DHRS3: variants seen among roughly 807,000 people sequenced by gnomAD.
The protein encoded by DHRS3 is dehydrogenase/reductase 3.
DHRS3 carries 14 observed loss-of-function variants against 27.2 expected under a neutral mutation model. The observed-to-expected ratio is 0.52, with a 90% CI of 0.34 to 0.81. The LOEUF is 0.81. Ranked by LOEUF, DHRS3 falls within the 30% of genes least tolerant of loss-of-function variation. The pLI, the probability that DHRS3 is intolerant of heterozygous loss-of-function variation, is 0.01. For synonymous variants in DHRS3, 165 were observed against 175.9 expected (o/e 0.94, Z 0.49); for missense variants, 322 against 406.2 (o/e 0.79, Z 1.78).
chr1:12,615,325 T>A (rs1646937733), intron 1 of DHRS3, among the ~76,000 whole-genome samples: 1 of 152,206 alleles, frequency 6.6e-6, no homozygotes, highest in Middle Eastern at 3.2e-3. Context: ...CCATGGATCC[T>A]GTTTTTGTTT....
Position 12,593,205 on chromosome 1 carries a change from G to C in DHRS3, c.196-12539C>G, listed in dbSNP as rs1414811021. ...TTTACTGGGATCGCAGGCCCTTCCT[G>C]GTCTGCCCCATCCCTCGTCTCAGCT... is the stretch of plus-strand genomic sequence containing the variant. On this transcript the variant is annotated intron_variant, in intron 1 of 5. Transcript: ENST00000616661. This position sits in a 1 kb window ranked among gnomAD's most constrained non-coding sequence, Gnocchi z 4.6. Among the ~76,000 whole-genome samples the C allele has an allele frequency of 6.6e-6, 1 of 152,046 alleles. No homozygotes were observed. The highest frequency in any genetic ancestry group is 2.4e-5 in the African/African-American group (1 of 41,406).
intron 5 of DHRS3, among the ~76,000 whole-genome samples, chr1:12,568,995 G>A (rs1490949517): frequency 2.0e-5 from 3 of 152,120 alleles, no homozygotes; most frequent in Non-Finnish European, 4.4e-5. Context: ...GGCCAAGGTG[G>A]GTGGATCACC....
chr1:12,568,651 C>G (rs548220575), intron 5 of DHRS3, among the ~76,000 whole-genome samples: 2 of 152,116 alleles, frequency 1.3e-5, no homozygotes, highest in African/African-American at 4.8e-5. Context: ...GGAGGCTGGG[C>G]GCGGTGGCTC....
chr1:12,577,995 T>C (rs1646605423), intron 4 of DHRS3, among the ~76,000 whole-genome samples: 1 of 152,180 alleles, frequency 6.6e-6, no homozygotes, highest in Non-Finnish European at 1.5e-5. Context: ...CCTCCCAGGT[T>C]ACACCCCCAG....
chr1:12,614,154 C>T (rs549358200), intron 1 of DHRS3, among the ~76,000 whole-genome samples: 9 of 152,242 alleles, frequency 5.9e-5, no homozygotes, highest in African/African-American at 9.6e-5. Flanking sequence ...CCAAGACTTT[C>T]GTCCAGCCAC....
chr1:12,578,144 G>C lies in DHRS3; in HGVS notation c.698+574C>G, dbSNP rs143594173. Among the ~76,000 whole-genome samples the C allele has an allele frequency of 0.011, 1,721 of 152,306 alleles. 11 individuals carry two copies. The highest frequency in any genetic ancestry group is 0.024 in the Middle Eastern group (7 of 294). The stretch of plus-strand genomic sequence containing the variant: ...TCGCCCTGCACGACGCTGTGGAGGT[G>C]CATCTCCCTCATTTGACCTTTAGAC... On this transcript the variant is annotated intron_variant, in intron 4 of 5. Coordinates refer to ENST00000616661, the MANE Select transcript of DHRS3 (RefSeq NM_004753.7). This position sits in a 1 kb window ranked among gnomAD's most constrained non-coding sequence, Gnocchi z 4.5.
At chr1:12,572,599 C>T (rs1646547498) in intron 5 of DHRS3, 129 bp downstream of exon 5, 1 of 1,402,654 alleles carries the variant, frequency 7.1e-7, no homozygotes, top group Non-Finnish European at 9.6e-7. Flanking sequence ...AACTGCTGCC[C>T]CACAGTAAGT....
In DHRS3 at chr1:12,568,211, T is replaced by C. The variant is rs1032587711; in HGVS notation, c.*129A>G. On this transcript the variant is annotated 3_prime_UTR_variant, in exon 6 of 6. Coordinates refer to ENST00000616661, the MANE Select transcript of DHRS3 (RefSeq NM_004753.7). Reference sequence around the variant, plus strand: ...GGGACTGGCCCAGGGGCAGCCGGATTCTTCGCTGGGGACAGGAGCTGTCCT... The same window carrying C: ...GGGACTGGCCCAGGGGCAGCCGGATCCTTCGCTGGGGACAGGAGCTGTCCT... The C allele has an allele frequency of 4.5e-6, 4 of 888,718 alleles. No homozygotes were observed. The African/African-American group carries it at 6.6e-5, about 15-fold the overall frequency. The allele number at this position is 888,718 out of a possible 1,614,324, so 55.1% of individuals were successfully genotyped here.
In DHRS3 at chr1:12,589,728, A is replaced by G. The variant is rs1446072605; in HGVS notation, c.196-9062T>C. ...GCTGGATATGTTGGCTCACGCCTATATTCCCAGCACTTTGGGAGGCCGAGG... is the reference window on the plus strand; with the variant it reads ...GCTGGATATGTTGGCTCACGCCTATGTTCCCAGCACTTTGGGAGGCCGAGG... On this transcript the variant is annotated intron_variant, in intron 1 of 5. Transcript: ENST00000616661. Among the ~76,000 whole-genome samples, 4 of 152,326 alleles carry G rather than the reference A, an allele frequency of 2.6e-5. No homozygotes were observed. The East Asian group carries it at 7.7e-4, about 29-fold the overall frequency.
chr1:12,580,980 A>G (rs1002149559), intron 1 of DHRS3, among the ~76,000 whole-genome samples: 8 of 151,870 alleles, frequency 5.3e-5, no homozygotes, highest in African/African-American at 1.9e-4. Context: ...ATGCTACCAT[A>G]CCTAGCTAAT....
intron 2 of DHRS3, 128 bp downstream of exon 2, chr1:12,580,395 A>G (rs746395289): frequency 2.2e-6 from 3 of 1,352,502 alleles, no homozygotes; most frequent in Admixed American, 1.9e-5. Context: ...AGAGTCCCCA[A>G]AGGTGCCCCG....
chr1:12,617,388 G>C lies in DHRS3; in HGVS notation c.-40C>G, dbSNP rs770608148. 4 of 1,579,138 alleles carry C rather than the reference G, an allele frequency of 2.5e-6. No individual in the cohort carries two copies. The African/African-American group carries it at 4.1e-5, about 16-fold the overall frequency. The stretch of plus-strand genomic sequence containing the variant: ...AGCCGGGCAGGGGGCGAAACTCCCC[G>C]GGCCGAGCAATACAGGAATTAAAAA... On this transcript the variant is annotated 5_prime_UTR_variant, in exon 1 of 6. Transcript: ENST00000616661.
At chr1:12,569,229 TCTCACACA>T (rs1646513365) in intron 5 of DHRS3, among the ~76,000 whole-genome samples, 19 of 140,346 alleles carry the variant, frequency 1.4e-4, no homozygotes, top group Admixed American at 7.2e-4. Flanking sequence ...TCTCTCTCTC[TCTCACACA>T]CACACACACA....
In DHRS3 at chr1:12,617,353, C is replaced by T; in HGVS notation, c.-5G>A. The T allele has an allele frequency of 1.3e-6, 2 of 1,596,084 alleles. No individual in the cohort carries two copies. The highest frequency in any genetic ancestry group is 1.1e-5 in the South Asian group (1 of 90,484). ...GCCCAGCCGTTTCCACACCATCCTC[C>T]GCGCCGCGGAGCCGGGCAGGGGGCG... is the stretch of plus-strand genomic sequence containing the variant. On this transcript the variant is annotated 5_prime_UTR_variant, in exon 1 of 6. Coordinates refer to ENST00000616661, the MANE Select transcript of DHRS3 (RefSeq NM_004753.7).
chr1:12,600,112 A>T (rs936811063), intron 1 of DHRS3, among the ~76,000 whole-genome samples: 1 of 152,204 alleles, frequency 6.6e-6, no homozygotes, highest in Non-Finnish European at 1.5e-5. Flanking sequence ...AAGAGCCAGC[A>T]TATGAACTTT....
intron 1 of DHRS3, among the ~76,000 whole-genome samples, chr1:12,599,686 C>T (rs1646822372): frequency 6.6e-6 from 1 of 152,252 alleles, no homozygotes; most frequent in African/African-American, 2.4e-5. Flanking sequence ...TAGCTCTGCT[C>T]TTTCCCTCTG....
At chr1:12,611,437 G>C (rs890761636) in intron 1 of DHRS3, among the ~76,000 whole-genome samples, 2 of 152,228 alleles carry the variant, frequency 1.3e-5, no homozygotes, top group African/African-American at 4.8e-5. Context: ...TCTTCTGCAA[G>C]AGCTGAAATA....
rs577482195 is a variant in DHRS3 at position 12,588,145 on chromosome 1, T to C, written c.196-7479A>G. ...CCGGGCTGTTTTTCTCTGTTTCAAA[T>C]GCCAGGGCTACTTATGGACTCCTAT... On this transcript the variant is annotated intron_variant, in intron 1 of 5. Coordinates refer to ENST00000616661, the MANE Select transcript of DHRS3 (RefSeq NM_004753.7). 2.0e-5 allele frequency among the ~76,000 whole-genome samples: 3 copies of C among 152,350 alleles called. No homozygotes were observed. In the East Asian group the frequency reaches 5.8e-4, roughly 29 times the overall value.
chr1:12,597,999 C>T (rs147521052), intron 1 of DHRS3, among the ~76,000 whole-genome samples: 6 of 152,316 alleles, frequency 3.9e-5, no homozygotes, highest in African/African-American at 1.2e-4. Flanking sequence ...GCCTTCCACG[C>T]TCCCCCAGGC....
Sources: gnomAD v4.1 joint callset for allele counts (sites outside exome capture counted in the v4.1 genomes callset) on GRCh38, gnomAD v4.1.1 for gene constraint, Gnocchi (gnomAD v3.1) non-coding constraint, MANE v1.5 for transcripts, NCBI Gene and HGNC (gene_info 2026-07-23, HGNC 2026-07-21) for gene names.